TMCC1: variants seen among roughly 807,000 people sequenced by gnomAD.
The protein encoded by TMCC1 is transmembrane and coiled-coil domains protein 1.
A neutral mutation model predicts 52.4 loss-of-function variants in TMCC1; 15 were observed. The ratio of observed to expected loss-of-function variants is 0.29; its 90% CI spans 0.19 to 0.44. The LOEUF is 0.44. Among genes scored for constraint, TMCC1 ranks in the 20% least tolerant of loss-of-function variants. The pLI, the probability that TMCC1 is intolerant of heterozygous loss-of-function variation, is 1.00. For synonymous variants in TMCC1, 279 were observed against 301.9 expected (o/e 0.92, Z 0.79); for missense variants, 503 against 806.0 (o/e 0.62, Z 4.55).
chr3:129,882,996 T>C (rs2061528283), intron 1 of TMCC1, among the ~76,000 whole-genome samples: 1 of 152,150 alleles, frequency 6.6e-6, no homozygotes, highest in Non-Finnish European at 1.5e-5. Context: ...CACTTAAAAA[T>C]GGTTAAAATC....
chr3:129,749,760 T>C (rs2052327421), intron 4 of TMCC1, among the ~76,000 whole-genome samples: 1 of 152,196 alleles, frequency 6.6e-6, no homozygotes, highest in South Asian at 2.1e-4. Context: ...AAATACTTTA[T>C]TGTGAGGCAA....
chr3:129,666,140 C>CAA (rs2087434068), intron 5 of TMCC1, among the ~76,000 whole-genome samples: 1 of 152,168 alleles, frequency 6.6e-6, no homozygotes, highest in African/African-American at 2.4e-5. Flanking sequence ...ACACAAAAAG[C>CAA]AAAGCCTACA....
chr3:129,825,794 C>G (rs1301080176), intron 4 of TMCC1, among the ~76,000 whole-genome samples: 1 of 152,304 alleles, frequency 6.6e-6, no homozygotes, highest in East Asian at 1.9e-4. Flanking sequence ...GAGGGACTGA[C>G]TGCAGCCAAG....
At chr3:129,800,090 C>CT (rs1212566655) in intron 4 of TMCC1, among the ~76,000 whole-genome samples, 2 of 152,144 alleles carry the variant, frequency 1.3e-5, no homozygotes. Flanking sequence ...TTTGCTTGTT[C>CT]TTGTATTTCA....
At chr3:129,694,893 C>T (rs539541616) in intron 4 of TMCC1, among the ~76,000 whole-genome samples, 100 of 151,778 alleles carry the variant, frequency 6.6e-4, no homozygotes, top group South Asian at 2.1e-3. Context: ...ATTTCTTGTG[C>T]GAGATCCAAG....
chr3:129,720,539 A>C (rs941805802), intron 4 of TMCC1, among the ~76,000 whole-genome samples: 16 of 152,156 alleles, frequency 1.1e-4, no homozygotes, highest in Non-Finnish European at 5.9e-5. Context: ...TACCAGACAC[A>C]TGAGGAAGGG....
At chr3:129,806,163 A>G (rs1184707662) in intron 4 of TMCC1, among the ~76,000 whole-genome samples, 1 of 152,192 alleles carries the variant, frequency 6.6e-6, no homozygotes, top group Non-Finnish European at 1.5e-5. Context: ...CTATTCTAAT[A>G]CAAGTTTGGG....
chr3:129,669,835 A>G (rs577163426), intron 5 of TMCC1, among the ~76,000 whole-genome samples: 2 of 152,318 alleles, frequency 1.3e-5, no homozygotes, highest in South Asian at 4.1e-4. Flanking sequence ...GAACCATTTC[A>G]TGTTTAAGTC....
At chr3:129,796,294 A>G (rs769039288) in intron 4 of TMCC1, among the ~76,000 whole-genome samples, 5 of 152,180 alleles carry the variant, frequency 3.3e-5, no homozygotes, top group Non-Finnish European at 7.3e-5. Flanking sequence ...AGGTTATGCT[A>G]TCTAGGTTTA....
chr3:129,734,125 T>C (rs980125567), intron 4 of TMCC1, among the ~76,000 whole-genome samples: 1 of 152,214 alleles, frequency 6.6e-6, no homozygotes, highest in Non-Finnish European at 1.5e-5. Flanking sequence ...TTCAAGAGTA[T>C]TCACTGTAGC....
chr3:129,751,659 C>G (rs1388657427), intron 4 of TMCC1, among the ~76,000 whole-genome samples: 2 of 151,956 alleles, frequency 1.3e-5, no homozygotes, highest in African/African-American at 4.8e-5. Flanking sequence ...GCCCTGTGTT[C>G]AAGTGATTGT....
chr3:129,682,918 C>T (rs1201534540), intron 4 of TMCC1, among the ~76,000 whole-genome samples: 1 of 152,236 alleles, frequency 6.6e-6, no homozygotes, highest in African/African-American at 2.4e-5. Flanking sequence ...TCACCGCAAT[C>T]TCCGCCTCCC....
intron 4 of TMCC1, among the ~76,000 whole-genome samples, chr3:129,706,434 G>C (rs1217970947): frequency 6.6e-6 from 1 of 151,940 alleles, no homozygotes; most frequent in East Asian, 1.9e-4. Context: ...TGGAACTCTT[G>C]ACCTCAGGTG....
intron 4 of TMCC1, among the ~76,000 whole-genome samples, chr3:129,734,753 AG>A (rs766950277): frequency 1.3e-5 from 2 of 152,194 alleles, no homozygotes; most frequent in Non-Finnish European, 2.9e-5. Flanking sequence ...TTGTCTCTGA[AG>A]AAGCGGAATG....
intron 2 of TMCC1, among the ~76,000 whole-genome samples, chr3:129,837,429 C>G (rs1255243207): frequency 1.6e-4 from 25 of 152,070 alleles, no homozygotes; most frequent in Non-Finnish European, 1.5e-5. Context: ...GCCTCTAGTT[C>G]CCATGGCAAC....
chr3:129,783,297 A>G (rs1371240096), intron 4 of TMCC1, among the ~76,000 whole-genome samples: 2 of 152,204 alleles, frequency 1.3e-5, no homozygotes, highest in African/African-American at 4.8e-5. Flanking sequence ...TCATTAGGGT[A>G]TTTCTAAATA....
chr3:129,693,396 C>G (rs1026019525), intron 4 of TMCC1, among the ~76,000 whole-genome samples: 1 of 151,928 alleles, frequency 6.6e-6, no homozygotes, highest in Non-Finnish European at 1.5e-5. Context: ...CTTTTATTCT[C>G]ATTTTGATTA....
At chr3:129,669,690 T>C (rs72977248) in intron 5 of TMCC1, among the ~76,000 whole-genome samples, 14,759 of 152,204 alleles carry the variant, frequency 0.097, 840 homozygotes, top group Middle Eastern at 0.16. Flanking sequence ...AGGACACATA[T>C]TCAGAGTATA....
chr3:129,725,647 T>C (rs1237272378), intron 4 of TMCC1, among the ~76,000 whole-genome samples: 2 of 152,052 alleles, frequency 1.3e-5, no homozygotes, highest in African/African-American at 4.8e-5. Context: ...GGTCATTTTA[T>C]AAGAACCTCT....
Sources: allele counts gnomAD v4.1 joint callset (sites outside exome capture counted in the v4.1 genomes callset), GRCh38; gene constraint gnomAD v4.1.1; transcripts MANE v1.5; gene names NCBI Gene and HGNC (gene_info 2026-07-23, HGNC 2026-07-21).